NTM: variants seen among roughly 807,000 people sequenced by gnomAD.
The protein encoded by NTM is neurotrimin.
In NTM, 13 loss-of-function variants were observed where a neutral mutation model predicts 42.1. The observed-to-expected ratio is 0.31, with a 90% CI of 0.20 to 0.49. NTM has a LOEUF of 0.49. Among genes scored for constraint, NTM ranks in the 20% least tolerant of loss-of-function variants. NTM has a pLI of 0.99. For synonymous variants in NTM, 187 were observed against 179.2 expected (o/e 1.04, Z -0.35); for missense variants, 373 against 452.8 (o/e 0.82, Z 1.60).
At chr11:131,961,360 C>G (rs921599059) in intron 2 of NTM, among the ~76,000 whole-genome samples, 2 of 152,138 alleles carry the variant, frequency 1.3e-5, no homozygotes, top group African/African-American at 4.8e-5. Flanking sequence ...AGACAGAAAT[C>G]TTTCTGATTC....
chr11:131,972,062 A>AAAAAAAAAAG, intron 2 of NTM, among the ~76,000 whole-genome samples: 1 of 139,666 alleles, frequency 7.2e-6, no homozygotes, highest in Non-Finnish European at 1.5e-5. Flanking sequence ...AAAAAAAAAA[A>AAAAAAAAAAG]ATTAGCCAGG....
intron 1 of NTM, among the ~76,000 whole-genome samples, chr11:131,818,643 T>C (rs1464353070): frequency 6.6e-6 from 1 of 152,190 alleles, no homozygotes; most frequent in Non-Finnish European, 1.5e-5. Flanking sequence ...CATTCATTCA[T>C]TCATTCATTT....
At chr11:131,395,978 A>C (rs1254015237) in intron 1 of NTM, among the ~76,000 whole-genome samples, 2 of 152,202 alleles carry the variant, frequency 1.3e-5, no homozygotes, top group African/African-American at 4.8e-5. Flanking sequence ...CTTACCCACT[A>C]AGACCCAGGG....
At chr11:131,991,322 G>A (rs899069914) in intron 2 of NTM, among the ~76,000 whole-genome samples, 1 of 152,102 alleles carries the variant, frequency 6.6e-6, no homozygotes, top group Non-Finnish European at 1.5e-5. Context: ...AGAGAGTCTT[G>A]TTTGGGAGTC....
intron 1 of NTM, among the ~76,000 whole-genome samples, chr11:131,878,618 T>A (rs1173844341): frequency 0.093 from 1,756 of 18,782 alleles, 466 homozygotes; most frequent in East Asian, 0.26. Flanking sequence ...TATATATATA[T>A]ATATATATAT....
At chr11:131,741,229 C>A (rs1040968746) in intron 1 of NTM, among the ~76,000 whole-genome samples, 28 of 151,400 alleles carry the variant, frequency 1.8e-4, no homozygotes, top group African/African-American at 6.8e-4. Context: ...AGCCTGGGAG[C>A]ACCTCCAAAT....
At chr11:131,722,141 A>G (rs1218582225) in intron 1 of NTM, among the ~76,000 whole-genome samples, 1 of 152,190 alleles carries the variant, frequency 6.6e-6, no homozygotes, top group Non-Finnish European at 1.5e-5. Flanking sequence ...CCAACAAATA[A>G]TAACACATGC....
chr11:132,307,922 A>G, intron 5 of NTM, 99 bp downstream of exon 5: 1 of 1,181,974 alleles, frequency 8.5e-7, no homozygotes, highest in Non-Finnish European at 1.2e-6. Flanking sequence ...CTACTGACTT[A>G]GGGTGGGAAG....
chr11:131,756,718 G>T (rs1002098728), intron 1 of NTM, among the ~76,000 whole-genome samples: 2 of 152,008 alleles, frequency 1.3e-5, no homozygotes, highest in African/African-American at 4.8e-5. Flanking sequence ...TATAATCAGG[G>T]ATTATCTCAT....
Position 132,085,334 on chromosome 11 carries a change from A to T in NTM, c.168-60948A>T, listed in dbSNP as rs1260119627. On this transcript the variant is annotated intron_variant, in intron 2 of 8. Transcript: ENST00000683400. ...ATCTGGTAGATTGTTTTAATTATGC[A>T]GTAGGTGCCAATAAAGTTTTACTCC... is the stretch of plus-strand genomic sequence containing the variant. Among the ~76,000 whole-genome samples, 139 of 152,208 alleles carry T rather than the reference A, an allele frequency of 9.1e-4. 3 individuals carry two copies. Among genetic ancestry groups the T allele is most frequent in the Admixed American group, 9.1e-3 (139 of 15,284 alleles).
At chr11:131,563,660 C>A (rs1001485217) in intron 1 of NTM, among the ~76,000 whole-genome samples, 2 of 143,758 alleles carry the variant, frequency 1.4e-5, no homozygotes, top group Non-Finnish European at 3.0e-5. Flanking sequence ...TAGTACAATA[C>A]CCTTGGATTG....
intron 3 of NTM, among the ~76,000 whole-genome samples, chr11:132,193,035 T>C (rs2079564540): frequency 1.3e-5 from 2 of 152,100 alleles, no homozygotes; most frequent in South Asian, 4.1e-4. Context: ...GATATTTAGA[T>C]AAACATGCAA....
intron 1 of NTM, among the ~76,000 whole-genome samples, chr11:131,409,950 A>G (rs577728258): frequency 1.9e-4 from 29 of 152,286 alleles, no homozygotes; most frequent in Admixed American, 1.7e-3. Flanking sequence ...ATTAATACAA[A>G]AAAGCAAGGA....
chr11:131,553,299 A>C (rs531727661), intron 1 of NTM, among the ~76,000 whole-genome samples: 1 of 152,302 alleles, frequency 6.6e-6, no homozygotes, highest in East Asian at 1.9e-4. Context: ...CTTTTGATGT[A>C]GTGTATATTC....
intron 1 of NTM, among the ~76,000 whole-genome samples, chr11:131,746,860 G>T (rs1228129766): frequency 6.6e-6 from 1 of 152,080 alleles, no homozygotes; most frequent in South Asian, 2.1e-4. Context: ...CAGTGATACC[G>T]AAAAGAATCA....
At chr11:132,074,662 G>A (rs1447717988) in intron 2 of NTM, among the ~76,000 whole-genome samples, 1 of 152,032 alleles carries the variant, frequency 6.6e-6, no homozygotes. Context: ...CCAAGATATG[G>A]AAACACTAAA....
intron 1 of NTM, among the ~76,000 whole-genome samples, chr11:131,847,473 C>T (rs1296942725): frequency 2.6e-5 from 4 of 151,990 alleles, no homozygotes; most frequent in African/African-American, 7.2e-5. Context: ...GTCCTGCTTT[C>T]GGGACCTGTA....
At chr11:132,243,850 AC>A (rs976246539) in intron 4 of NTM, among the ~76,000 whole-genome samples, 15 of 151,862 alleles carry the variant, frequency 9.9e-5, no homozygotes, top group African/African-American at 3.4e-4. Flanking sequence ...GGCCCACAGA[AC>A]CCCCAGCCCT....
At chr11:131,535,095 C>T (rs2051950809) in intron 1 of NTM, 1 of 152,214 alleles carries the variant, frequency 6.6e-6, no homozygotes, top group Non-Finnish European at 1.5e-5. Context: ...GCTCGTTCGT[C>T]TGCGTGCCAT....
Sources: allele counts gnomAD v4.1 joint callset (sites outside exome capture counted in the v4.1 genomes callset), GRCh38; gene constraint gnomAD v4.1.1; transcripts MANE v1.5; gene names NCBI Gene and HGNC (gene_info 2026-07-23, HGNC 2026-07-21).